Variants in ADGRB3 observed in about 807,000 individuals in gnomAD.
ADGRB3 encodes the protein brain-specific angiogenesis inhibitor 3.
Under a neutral mutation model 193.4 loss-of-function variants are expected in ADGRB3, and 37 were observed. That is an observed-to-expected ratio of 0.19 (90% CI 0.15 to 0.25). The LOEUF (loss-of-function observed/expected upper bound fraction) is 0.25. Ranked by LOEUF, ADGRB3 falls within the 10% of genes least tolerant of loss-of-function variation. The pLI is 1.00. For synonymous variants in ADGRB3, 690 were observed against 644.2 expected (o/e 1.07, Z -1.08); for missense variants, 1,637 against 1,852.9 (o/e 0.88, Z 2.14).
Position 68,638,681 on chromosome 6 carries a change from G to A in ADGRB3, c.6G>A (p.Lys2=). 2 of 1,612,266 alleles carry A rather than the reference G, an allele frequency of 1.2e-6. No individual in the cohort carries two copies. Among genetic ancestry groups the A allele is most frequent in the Non-Finnish European group, 1.7e-6 (2 of 1,178,988 alleles). M[K]AVRNLLIYIF... ...TACAGGCCAAATGACATAGGATGAAGGCTGTTCGTAACCTGCTGATTTATA... is the reference window on the plus strand; with the variant it reads ...TACAGGCCAAATGACATAGGATGAAAGCTGTTCGTAACCTGCTGATTTATA... Residue 2 remains lysine (K), a synonymous_variant, in exon 3 of 32, where the codon AAG becomes AAA. Transcript: ENST00000370598.
intron 11 of ADGRB3, among the ~76,000 whole-genome samples, chr6:68,996,300 A>G (rs1018409471): frequency 6.6e-6 from 1 of 151,986 alleles, no homozygotes; most frequent in Non-Finnish European, 1.5e-5. Context: ...ACCTCAGCCT[A>G]CATGATTTCT....
chr6:69,001,893 AGAG>A (rs1349754947), intron 11 of ADGRB3, among the ~76,000 whole-genome samples: 1 of 152,234 alleles, frequency 6.6e-6, no homozygotes, highest in Non-Finnish European at 1.5e-5. Flanking sequence ...GTTGAAAACT[AGAG>A]TTTTCCAAAA....
intron 12 of ADGRB3, among the ~76,000 whole-genome samples, chr6:69,015,063 C>T (rs1770050104): frequency 6.6e-6 from 1 of 151,712 alleles, no homozygotes; most frequent in African/African-American, 2.4e-5. Context: ...TTTTTTCTAC[C>T]AATTTGAGTT....
chr6:68,714,642 AC>A (rs1447473942), intron 3 of ADGRB3, among the ~76,000 whole-genome samples: 1 of 151,862 alleles, frequency 6.6e-6, no homozygotes, highest in East Asian at 1.9e-4. Context: ...AAAATGGTAA[AC>A]TTGTGAGAGA....
intron 3 of ADGRB3, among the ~76,000 whole-genome samples, chr6:68,817,304 CATGTATAT>C (rs70987435): frequency 0.02 from 1,143 of 57,068 alleles, 71 homozygotes; most frequent in South Asian, 0.04. Flanking sequence ...CCCTTTTGTC[CATGTATAT>C]ATATATATAT....
chr6:68,653,960 G>A (rs1768433453), intron 3 of ADGRB3, among the ~76,000 whole-genome samples: 1 of 150,976 alleles, frequency 6.6e-6, no homozygotes, highest in African/African-American at 2.4e-5. Context: ...TTGATACATA[G>A]GCTATAATTT....
chr6:69,101,433 C>CGTGTGTGTGTGTGTGT (rs59471051), intron 17 of ADGRB3, among the ~76,000 whole-genome samples: 14,977 of 145,150 alleles, frequency 0.1, 974 homozygotes, highest in Middle Eastern at 0.17. Context: ...CAGTAAGTAT[C>CGTGTGTGTGTGTGTGT]GTGTGTGTGT....
intron 3 of ADGRB3, among the ~76,000 whole-genome samples, chr6:68,765,954 GA>G (rs1443844851): frequency 6.6e-6 from 1 of 151,702 alleles, no homozygotes; most frequent in East Asian, 1.9e-4. Flanking sequence ...TCAGTTTTTT[GA>G]AATTTTTTGG....
chr6:69,313,492 A>C (rs1768242571), intron 20 of ADGRB3, among the ~76,000 whole-genome samples: 1 of 151,826 alleles, frequency 6.6e-6, no homozygotes, highest in Non-Finnish European at 1.5e-5. Context: ...AAATATTTTC[A>C]AGGCCTAGGA....
chr6:69,024,852 G>C (rs1404054756), intron 13 of ADGRB3, among the ~76,000 whole-genome samples: 5 of 152,072 alleles, frequency 3.3e-5, no homozygotes, highest in Non-Finnish European at 7.4e-5. Flanking sequence ...CAGCACTTTG[G>C]GAGGCCGAGG....
intron 3 of ADGRB3, among the ~76,000 whole-genome samples, chr6:68,691,842 T>TTATA (rs59476786): frequency 1.4e-5 from 2 of 148,010 alleles, no homozygotes; most frequent in African/African-American, 2.5e-5. Flanking sequence ...AGAAGGACAA[T>TTATA]TATATATATA....
At chr6:69,277,510 A>T (rs1767329951) in intron 20 of ADGRB3, among the ~76,000 whole-genome samples, 1 of 152,084 alleles carries the variant, frequency 6.6e-6, no homozygotes, top group Non-Finnish European at 1.5e-5. Flanking sequence ...CCCTAAGGAG[A>T]TCCCATCGAT....
At chr6:69,156,653 T>A (rs547056246) in intron 17 of ADGRB3, among the ~76,000 whole-genome samples, 23 of 152,124 alleles carry the variant, frequency 1.5e-4, no homozygotes, top group African/African-American at 5.3e-4. Flanking sequence ...ATTTGTTTGA[T>A]TTTTTACACA....
chr6:69,349,428 T>C (rs1238737153), intron 26 of ADGRB3, among the ~76,000 whole-genome samples: 1 of 152,236 alleles, frequency 6.6e-6, no homozygotes, highest in Non-Finnish European at 1.5e-5. Context: ...ATGCATCTTT[T>C]TCTTTCATTG....
chr6:69,103,198 T>C (rs1344947837), intron 17 of ADGRB3, among the ~76,000 whole-genome samples: 1 of 152,220 alleles, frequency 6.6e-6, no homozygotes, highest in Non-Finnish European at 1.5e-5. Context: ...TCACCTATCT[T>C]GAACTTTAGA....
intron 26 of ADGRB3, among the ~76,000 whole-genome samples, chr6:69,349,390 G>T (rs1769175411): frequency 6.6e-6 from 1 of 152,188 alleles, no homozygotes; most frequent in African/African-American, 2.4e-5. Context: ...CTAATAGAAA[G>T]TCATTGGGAC....
chr6:68,766,897 C>T (rs1232036829), intron 3 of ADGRB3, among the ~76,000 whole-genome samples: 2 of 151,872 alleles, frequency 1.3e-5, no homozygotes, highest in African/African-American at 2.4e-5. Context: ...GTTTATGAGA[C>T]AATAATTCAT....
chr6:69,196,560 A>G (rs1017383294), intron 17 of ADGRB3, among the ~76,000 whole-genome samples: 1 of 152,020 alleles, frequency 6.6e-6, no homozygotes, highest in African/African-American at 2.4e-5. Context: ...CCTTTTTTCT[A>G]TAAGGACACC....
intron 3 of ADGRB3, among the ~76,000 whole-genome samples, chr6:68,687,651 C>A (rs1765007058): frequency 6.6e-6 from 1 of 152,098 alleles, no homozygotes; most frequent in Admixed American, 6.6e-5. Context: ...CTCATTCATT[C>A]ATGAATAATC....
Sources: gnomAD v4.1 joint callset for allele counts (sites outside exome capture counted in the v4.1 genomes callset) on GRCh38, gnomAD v4.1.1 for gene constraint, MANE v1.5 for transcripts, NCBI Gene and HGNC (gene_info 2026-07-23, HGNC 2026-07-21) for gene names.